The following QTMAN variants were observed in gnomAD, a reference collection of about 807,000 sequenced individuals.
QTMAN encodes tRNA-queuosine alpha-mannosyltransferase.
At chr2:144,295,081 A>T in the QTMAN span, among the ~76,000 whole-genome samples, 3 of 152,242 alleles carry the variant, frequency 2.0e-5, no homozygotes, top group Non-Finnish European at 4.4e-5. Context: ...CATATAAAGC[A>T]TCTATAAAGA....
At chr2:144,297,183 T>G in the QTMAN span, among the ~76,000 whole-genome samples, 66 of 152,314 alleles carry the variant, frequency 4.3e-4, no homozygotes, top group African/African-American at 1.5e-3. Flanking sequence ...AAAAGTTTAG[T>G]GAACCACCAT....
the QTMAN span, among the ~76,000 whole-genome samples, chr2:144,182,805 T>TA: frequency 2.6e-3 from 37 of 13,964 alleles, no homozygotes; most frequent in Non-Finnish European, 9.4e-3. Context: ...ATATTATATA[T>TA]ATAATATATA....
chr2:144,187,124 CAA>C, the QTMAN span, among the ~76,000 whole-genome samples: 1 of 152,184 alleles, frequency 6.6e-6, no homozygotes, highest in Non-Finnish European at 1.5e-5. Context: ...TGATTATTGT[CAA>C]GTCACTGATA....
At chr2:144,169,149 T>C in the QTMAN span, among the ~76,000 whole-genome samples, 1 of 152,164 alleles carries the variant, frequency 6.6e-6, no homozygotes, top group Non-Finnish European at 1.5e-5. Flanking sequence ...TATAATCACC[T>C]GAGAGATTTA....
the QTMAN span, chr2:143,944,946 A>T: frequency 6.6e-6 from 1 of 151,702 alleles, no homozygotes; most frequent in Non-Finnish European, 1.5e-5. Context: ...TATCAGTGAG[A>T]AAAGATCTAT....
At chr2:144,147,363 G>A in the QTMAN span, among the ~76,000 whole-genome samples, 1 of 150,926 alleles carries the variant, frequency 6.6e-6, no homozygotes, top group African/African-American at 2.4e-5. Flanking sequence ...GCCCCATTTT[G>A]TCCAAACATA....
chr2:144,234,722 G>C, the QTMAN span, among the ~76,000 whole-genome samples: 1 of 152,112 alleles, frequency 6.6e-6, no homozygotes, highest in Non-Finnish European at 1.5e-5. Context: ...TGGAGACATG[G>C]AGCATTTACC....
the QTMAN span, among the ~76,000 whole-genome samples, chr2:144,298,717 GGA>G: frequency 1.3e-5 from 2 of 152,178 alleles, no homozygotes; most frequent in Admixed American, 6.5e-5. Context: ...AGGAAAGGGA[GGA>G]GAGGTCAGGC....
At chr2:144,032,073 G>A in the QTMAN span, among the ~76,000 whole-genome samples, 5 of 152,074 alleles carry the variant, frequency 3.3e-5, no homozygotes, top group African/African-American at 4.8e-5. Context: ...ATGAGCCACC[G>A]CTCCGGGCCT....
the QTMAN span, among the ~76,000 whole-genome samples, chr2:144,083,299 T>G: frequency 6.6e-6 from 1 of 152,184 alleles, no homozygotes; most frequent in African/African-American, 2.4e-5. Context: ...GTATTCTGGC[T>G]AACAGTCCCA....
At chr2:144,204,588 T>C in the QTMAN span, among the ~76,000 whole-genome samples, 1 of 152,216 alleles carries the variant, frequency 6.6e-6, no homozygotes, top group Non-Finnish European at 1.5e-5. Flanking sequence ...AGCGTGGCAA[T>C]TCCTCAAGGA....
At chr2:144,091,973 A>T in the QTMAN span, among the ~76,000 whole-genome samples, 2 of 152,148 alleles carry the variant, frequency 1.3e-5, no homozygotes, top group Non-Finnish European at 2.9e-5. Flanking sequence ...GTTATATATA[A>T]AAAAAACTAA....
chr2:144,137,378 T>TC, the QTMAN span, among the ~76,000 whole-genome samples: 1 of 152,004 alleles, frequency 6.6e-6, no homozygotes, highest in African/African-American at 2.4e-5. Flanking sequence ...CTGCTATGTT[T>TC]CTTTTTTTTT....
chr2:144,031,765 C>T, the QTMAN span, among the ~76,000 whole-genome samples: 7 of 151,954 alleles, frequency 4.6e-5, no homozygotes, highest in Non-Finnish European at 8.8e-5. Context: ...TCTTCTTCTT[C>T]TTTTTTTCTT....
At chr2:144,120,166 T>C in the QTMAN span, among the ~76,000 whole-genome samples, 2 of 152,340 alleles carry the variant, frequency 1.3e-5, no homozygotes, top group African/African-American at 4.8e-5. Flanking sequence ...TATGAGATGA[T>C]CTAAAAGTTG....
chr2:143,992,535 A>AAAAT, the QTMAN span, among the ~76,000 whole-genome samples: 96 of 151,582 alleles, frequency 6.3e-4, no homozygotes, highest in Non-Finnish European at 8.8e-4. Context: ...GATCAATAAA[A>AAAAT]AAATAAATAA....
At chr2:144,102,732 G>T in the QTMAN span, among the ~76,000 whole-genome samples, 1 of 152,150 alleles carries the variant, frequency 6.6e-6, no homozygotes, top group African/African-American at 2.4e-5. Context: ...TGTCATCTGT[G>T]CATTTACAAG....
At chr2:144,285,621 C>A in the QTMAN span, among the ~76,000 whole-genome samples, 1 of 152,114 alleles carries the variant, frequency 6.6e-6, no homozygotes, top group Non-Finnish European at 1.5e-5. Context: ...CTGGGTTTTG[C>A]CATTTTAACC....
chr2:144,126,973 T>C, the QTMAN span, among the ~76,000 whole-genome samples: 1 of 152,158 alleles, frequency 6.6e-6, no homozygotes, highest in Admixed American at 6.6e-5. Context: ...TACTAACTTT[T>C]TTTCTGACAA....
Sources: gnomAD v4.1 joint callset for allele counts (sites outside exome capture counted in the v4.1 genomes callset) on GRCh38, gnomAD v4.1.1 for gene constraint, MANE v1.5 for transcripts, NCBI Gene and HGNC (gene_info 2026-07-23, HGNC 2026-07-21) for gene names.